TMEM132C: variants seen among roughly 807,000 people sequenced by gnomAD.
TMEM132C encodes protein phosphatase 1, regulatory subunit 152.
In TMEM132C, 29 loss-of-function variants were observed where a neutral mutation model predicts 61.4. The ratio of observed to expected loss-of-function variants is 0.47; its 90% CI spans 0.35 to 0.64. The LOEUF (loss-of-function observed/expected upper bound fraction) is 0.64. TMEM132C is among the 30% of genes least tolerant of loss of function. The probability of loss-of-function intolerance (pLI) is 0.00; values close to 1 mark genes in which losing one functional copy is unlikely to be tolerated. For synonymous variants in TMEM132C, 656 were observed against 633.1 expected, an observed-to-expected ratio of 1.04 and a Z score of -0.54; for missense variants, 1,408 against 1,476.9, an observed-to-expected ratio of 0.95 and a Z score of 0.76.
chr12:128,632,860 A>T (rs987203260), intron 4 of TMEM132C, among the ~76,000 whole-genome samples: 1 of 152,224 alleles, frequency 6.6e-6, no homozygotes, highest in Non-Finnish European at 1.5e-5. Flanking sequence ...AGAATGTGGT[A>T]TGGAAACTCT....
At chr12:128,269,685 A>G (rs949658954) in intron 1 of TMEM132C, among the ~76,000 whole-genome samples, 4 of 151,970 alleles carry the variant, frequency 2.6e-5, no homozygotes, top group Non-Finnish European at 5.9e-5. Context: ...TGCAAAATAC[A>G]TTTTCCGTTT....
intron 2 of TMEM132C, among the ~76,000 whole-genome samples, chr12:128,499,849 T>C (rs552553286): frequency 1.3e-5 from 2 of 152,330 alleles, no homozygotes; most frequent in South Asian, 2.1e-4. Context: ...GCAATAAACA[T>C]GGGGGTGCAG....
At chr12:128,590,902 G>A (rs1188085435) in intron 3 of TMEM132C, among the ~76,000 whole-genome samples, 2 of 152,106 alleles carry the variant, frequency 1.3e-5, no homozygotes, top group Non-Finnish European at 2.9e-5. Context: ...TCAGCCTCCT[G>A]AGGAACTGGG....
At chr12:128,464,848 T>C (rs1447002588) in intron 2 of TMEM132C, among the ~76,000 whole-genome samples, 1 of 142,566 alleles carries the variant, frequency 7.0e-6, no homozygotes, top group Non-Finnish European at 1.5e-5. Flanking sequence ...ATAACACAGA[T>C]GAGAAGAGCA....
intron 2 of TMEM132C, among the ~76,000 whole-genome samples, chr12:128,426,308 C>G (rs867856445): frequency 1.3e-5 from 2 of 152,176 alleles, no homozygotes; most frequent in Admixed American, 1.3e-4. Context: ...ATATGAGAAA[C>G]CCTCGAAGGC....
At chr12:128,590,608 C>G (rs955445373) in intron 3 of TMEM132C, among the ~76,000 whole-genome samples, 1 of 152,080 alleles carries the variant, frequency 6.6e-6, no homozygotes, top group Non-Finnish European at 1.5e-5. Context: ...CTTGGCAACT[C>G]CCTTTTAGAC....
intron 5 of TMEM132C, among the ~76,000 whole-genome samples, chr12:128,680,272 A>G (rs1009611205): frequency 5.3e-5 from 8 of 152,322 alleles, no homozygotes; most frequent in African/African-American, 1.9e-4. Context: ...GAGGAAATTC[A>G]GGCCCAGAGA....
At chr12:128,358,280 C>T (rs117072425) in intron 1 of TMEM132C, among the ~76,000 whole-genome samples, 13 of 152,188 alleles carry the variant, frequency 8.5e-5, no homozygotes, top group East Asian at 7.7e-4. Context: ...ATATGCACAG[C>T]GGGACACTTT....
At chr12:128,648,623 T>C (rs541971020) in intron 4 of TMEM132C, among the ~76,000 whole-genome samples, 6 of 151,260 alleles carry the variant, frequency 4.0e-5, no homozygotes, top group Admixed American at 2.0e-4. Flanking sequence ...CAGCGTTGGA[T>C]GAGTGTGTTT....
At chr12:128,681,071 A>G (rs1182970121) in intron 5 of TMEM132C, among the ~76,000 whole-genome samples, 4 of 152,060 alleles carry the variant, frequency 2.6e-5, no homozygotes, top group African/African-American at 9.7e-5. Flanking sequence ...GCCAGATCCT[A>G]TCATTCCTGT....
chr12:128,609,688 A>T (rs1276848438), intron 3 of TMEM132C, among the ~76,000 whole-genome samples: 1 of 152,160 alleles, frequency 6.6e-6, no homozygotes, highest in East Asian at 1.9e-4. Context: ...TACAGAGAGC[A>T]TGGATGAAGG....
chr12:128,599,862 A>G (rs1217013089), intron 3 of TMEM132C, among the ~76,000 whole-genome samples: 1 of 152,172 alleles, frequency 6.6e-6, no homozygotes, highest in East Asian at 1.9e-4. Context: ...CATAATACCC[A>G]CGTGTCATAG....
intron 3 of TMEM132C, among the ~76,000 whole-genome samples, chr12:128,601,097 G>A (rs1234287575): frequency 6.6e-6 from 1 of 152,202 alleles, no homozygotes; most frequent in African/African-American, 2.4e-5. Context: ...AAAATGCAAA[G>A]TTTTAGGAGT....
At chr12:128,282,472 C>T (rs535890975) in intron 1 of TMEM132C, among the ~76,000 whole-genome samples, 1 of 152,160 alleles carries the variant, frequency 6.6e-6, no homozygotes, top group Non-Finnish European at 1.5e-5. Flanking sequence ...AAAAGTGTCC[C>T]TTATAAAACC....
chr12:128,533,948 TACACACACACACAC>T (rs55794743), intron 2 of TMEM132C, among the ~76,000 whole-genome samples: 4 of 145,784 alleles, frequency 2.7e-5, no homozygotes, highest in African/African-American at 1.0e-4. Flanking sequence ...CATGCGCACA[TACACACACACACAC>T]ACACACACAC....
At chr12:128,645,826 G>A (rs1343964570) in intron 4 of TMEM132C, among the ~76,000 whole-genome samples, 1 of 152,112 alleles carries the variant, frequency 6.6e-6, no homozygotes, top group African/African-American at 2.4e-5. Context: ...GAGTCCATCG[G>A]CTTTGGATGT....
chr12:128,689,422 T>C (rs2135648288), intron 5 of TMEM132C, among the ~76,000 whole-genome samples: 1 of 152,282 alleles, frequency 6.6e-6, no homozygotes, highest in Non-Finnish European at 1.5e-5. Flanking sequence ...GAAAGCACCT[T>C]GCAGATGTGA....
intron 2 of TMEM132C, among the ~76,000 whole-genome samples, chr12:128,511,663 G>T (rs1053101952): frequency 6.6e-5 from 10 of 152,312 alleles, no homozygotes; most frequent in African/African-American, 2.4e-4. Context: ...GAACCTTGGG[G>T]TCCTGTCTCT....
At chr12:128,678,822 T>C (rs1206674846) in intron 5 of TMEM132C, among the ~76,000 whole-genome samples, 1 of 152,182 alleles carries the variant, frequency 6.6e-6, no homozygotes, top group Non-Finnish European at 1.5e-5. Flanking sequence ...ATGCTGAGGT[T>C]GAGAAGTCCC....
Sources: allele counts gnomAD v4.1 joint callset (sites outside exome capture counted in the v4.1 genomes callset), GRCh38; gene constraint gnomAD v4.1.1; transcripts MANE v1.5; gene names NCBI Gene and HGNC (gene_info 2026-07-23, HGNC 2026-07-21).